The following CSRNP3 variants were observed in gnomAD, a reference collection of about 807,000 sequenced individuals.
CSRNP3 encodes the protein cysteine/serine-rich nuclear protein 3.
A neutral mutation model predicts 48.0 loss-of-function variants in CSRNP3; 12 were observed. That is an observed-to-expected ratio of 0.25 (90% CI 0.16 to 0.41). CSRNP3 has a LOEUF of 0.41. CSRNP3 is among the 10% of genes least tolerant of loss of function. The pLI is 1.00. For synonymous variants in CSRNP3, 263 were observed against 269.7 expected (o/e 0.98, Z 0.24); for missense variants, 580 against 724.4 (o/e 0.80, Z 2.29).
At chr2:165,542,837 G>C (rs917762511) in intron 3 of CSRNP3, among the ~76,000 whole-genome samples, 1 of 151,996 alleles carries the variant, frequency 6.6e-6, no homozygotes, top group African/African-American at 2.4e-5. Flanking sequence ...TTTTACATTG[G>C]AATAGACACG....
chr2:165,567,694 A>G (rs1178910026), intron 3 of CSRNP3, among the ~76,000 whole-genome samples: 2 of 151,986 alleles, frequency 1.3e-5, no homozygotes, highest in African/African-American at 4.8e-5. Context: ...ATCCAAAATT[A>G]TCTGTTTTTT....
chr2:165,553,226 T>C (rs1685120943), intron 3 of CSRNP3, among the ~76,000 whole-genome samples: 1 of 152,170 alleles, frequency 6.6e-6, no homozygotes. Flanking sequence ...CAGAATCCTA[T>C]AGCTCTTCGA....
chr2:165,503,530 A>G (rs946252817), intron 2 of CSRNP3, among the ~76,000 whole-genome samples: 3 of 151,948 alleles, frequency 2.0e-5, no homozygotes, highest in Non-Finnish European at 4.4e-5. Flanking sequence ...AAAACAGTAC[A>G]CTACCATACT....
At chr2:165,659,895 C>T (rs1687068593) in intron 5 of CSRNP3, among the ~76,000 whole-genome samples, 1 of 152,094 alleles carries the variant, frequency 6.6e-6, no homozygotes, top group Admixed American at 6.6e-5. Context: ...TGCCATGTTC[C>T]CAATTTCATG....
At chr2:165,620,333 C>G (rs978913248) in intron 4 of CSRNP3, among the ~76,000 whole-genome samples, 1 of 152,054 alleles carries the variant, frequency 6.6e-6, no homozygotes, top group Non-Finnish European at 1.5e-5. Context: ...TTTTTAAAAT[C>G]TATGCGACTG....
chr2:165,501,951 T>C (rs576493169), intron 2 of CSRNP3, among the ~76,000 whole-genome samples: 2 of 152,248 alleles, frequency 1.3e-5, no homozygotes, highest in South Asian at 4.1e-4. Context: ...AATTTATTAC[T>C]AAATCAGAAT....
At chr2:165,565,504 G>A (rs1050738007) in intron 3 of CSRNP3, among the ~76,000 whole-genome samples, 4 of 152,024 alleles carry the variant, frequency 2.6e-5, no homozygotes, top group African/African-American at 9.7e-5. Context: ...CCCAGTGTAA[G>A]AAGGCTGTAT....
chr2:165,549,368 T>A (rs1312445233), intron 3 of CSRNP3, among the ~76,000 whole-genome samples: 1 of 152,062 alleles, frequency 6.6e-6, no homozygotes, highest in East Asian at 1.9e-4. Flanking sequence ...CAGGGTAGTC[T>A]AATTTGAAAG....
intron 3 of CSRNP3, among the ~76,000 whole-genome samples, chr2:165,551,259 G>A (rs1685092436): frequency 6.6e-6 from 1 of 152,204 alleles, no homozygotes; most frequent in Non-Finnish European, 1.5e-5. Context: ...ACCCCAATAT[G>A]AGCTCTATAA....
intron 3 of CSRNP3, among the ~76,000 whole-genome samples, chr2:165,552,709 A>G (rs1685113580): frequency 6.7e-6 from 1 of 149,154 alleles, no homozygotes; most frequent in Non-Finnish European, 1.5e-5. Flanking sequence ...TTATTTTTTT[A>G]TTTTTTTTTG....
At chr2:165,532,221 C>T (rs969375207) in intron 3 of CSRNP3, among the ~76,000 whole-genome samples, 1 of 152,192 alleles carries the variant, frequency 6.6e-6, no homozygotes, top group African/African-American at 2.4e-5. Context: ...AGGCCAGCAT[C>T]ATCCTGATAC....
chr2:165,527,896 G>T lies in CSRNP3; in HGVS notation c.-24+9935G>T, dbSNP rs73969290. Among the ~76,000 whole-genome samples, 78 of 151,116 alleles carry T rather than the reference G, an allele frequency of 5.2e-4. 1 individual carries two copies. Among genetic ancestry groups the T allele is most frequent in the African/African-American group, 1.8e-3 (75 of 41,180 alleles). ...AAAATGGGCTAAAAGAAAACAAAGG[G>T]CAATAGAAAGAAAGAGACAGGGAGA... On this transcript the variant is annotated intron_variant, in intron 3 of 6. Transcript: ENST00000651982.
chr2:165,537,630 A>G (rs1684898096), intron 3 of CSRNP3, among the ~76,000 whole-genome samples: 2 of 151,550 alleles, frequency 1.3e-5, no homozygotes, highest in South Asian at 4.2e-4. Flanking sequence ...AGAGCTCACA[A>G]TTTTTTTAAA....
At chr2:165,614,722 A>G (rs1686202283) in intron 4 of CSRNP3, among the ~76,000 whole-genome samples, 1 of 152,176 alleles carries the variant, frequency 6.6e-6, no homozygotes, top group Non-Finnish European at 1.5e-5. Flanking sequence ...GATGAGTTGT[A>G]ACACATGTAT....
intron 2 of CSRNP3, among the ~76,000 whole-genome samples, chr2:165,506,074 T>C (rs1684422466): frequency 6.6e-6 from 1 of 152,178 alleles, no homozygotes; most frequent in African/African-American, 2.4e-5. Flanking sequence ...CCATCATGAC[T>C]TGGATCTCTC....
chr2:165,616,947 T>A (rs757354033), intron 4 of CSRNP3, among the ~76,000 whole-genome samples: 3 of 152,130 alleles, frequency 2.0e-5, no homozygotes, highest in Non-Finnish European at 4.4e-5. Flanking sequence ...TAGCCTATTG[T>A]TGAAGCTCTC....
chr2:165,621,415 A>C (rs1686337758), intron 4 of CSRNP3, among the ~76,000 whole-genome samples: 2 of 152,068 alleles, frequency 1.3e-5, no homozygotes, highest in Admixed American at 1.3e-4. Context: ...GAAGGTACAG[A>C]ACAAAGAAAT....
chr2:165,663,403 C>T (rs1179370563), intron 5 of CSRNP3, among the ~76,000 whole-genome samples: 1 of 152,176 alleles, frequency 6.6e-6, no homozygotes, highest in Non-Finnish European at 1.5e-5. Context: ...CAAATGGAGG[C>T]CCACTTTAAC....
intron 3 of CSRNP3, among the ~76,000 whole-genome samples, chr2:165,540,762 G>T (rs183630481): frequency 9.2e-5 from 14 of 152,128 alleles, no homozygotes; most frequent in South Asian, 2.1e-4. Flanking sequence ...CTGAACTCTG[G>T]GTTCTAGTGA....
Sources: allele counts gnomAD v4.1 joint callset (sites outside exome capture counted in the v4.1 genomes callset), GRCh38; gene constraint gnomAD v4.1.1; transcripts MANE v1.5; gene names NCBI Gene and HGNC (gene_info 2026-07-23, HGNC 2026-07-21).